HTR1F: variants seen among roughly 807,000 people sequenced by gnomAD.
HTR1F encodes 5-hydroxytryptamine receptor 1F, also known as 5-hydroxytryptamine (serotonin) receptor 1F, G protein-coupled.
Under a neutral mutation model 24.0 loss-of-function variants are expected in HTR1F, and 17 were observed. The ratio of observed to expected loss-of-function variants is 0.71; its 90% confidence interval spans 0.48 to 1.06. The LOEUF (loss-of-function observed/expected upper bound fraction) is 1.06. Among genes scored for constraint, HTR1F ranks in the 50% least tolerant of loss-of-function variants. The pLI, the probability that HTR1F is intolerant of heterozygous loss-of-function variation, is 0.00. For synonymous variants in HTR1F, 186 were observed against 156.8 expected (o/e 1.19, Z -1.39); for missense variants, 391 against 427.8 (o/e 0.91, Z 0.76).
chr3:87,954,924 G>A (rs1405555613), intron 2 of HTR1F, among the ~76,000 whole-genome samples: 1 of 151,130 alleles, frequency 6.6e-6, no homozygotes, highest in Non-Finnish European at 1.5e-5. Context: ...ACATCTTCTG[G>A]TGTCTCCAAG....
At chr3:87,959,424 A>G (rs1705013942) in intron 2 of HTR1F, among the ~76,000 whole-genome samples, 1 of 151,874 alleles carries the variant, frequency 6.6e-6, no homozygotes, top group African/African-American at 2.4e-5. Flanking sequence ...AACCCATTGT[A>G]TGGTCACTTT....
At chr3:87,869,454 T>TAGACGATAGATAGATAGATAGATA (rs113301497) in intron 2 of HTR1F, among the ~76,000 whole-genome samples, 1 of 124,772 alleles carries the variant, frequency 8.0e-6, no homozygotes, top group Admixed American at 7.8e-5. Context: ...GATAGATAGA[T>TAGACGATAGATAGATAGATAGATA]GATAGATAGA....
Position 87,945,363 on chromosome 3 carries a change from A to T in HTR1F, c.-42-45345A>T, listed in dbSNP as rs1046056053. Reference sequence around the variant, plus strand: ...CTTGCTAGAGGAAATGAAAGTCTGAACCATTAGTACCTAGGAGGCAGGGAT... The same window carrying T: ...CTTGCTAGAGGAAATGAAAGTCTGATCCATTAGTACCTAGGAGGCAGGGAT... On this transcript the variant is annotated intron_variant, in intron 2 of 2. Coordinates refer to ENST00000319595, the MANE Select transcript of HTR1F (RefSeq NM_001322209.2). 2.0e-5 allele frequency among the ~76,000 whole-genome samples: 3 copies of T among 152,284 alleles called. 1 individual carries two copies.
At chr3:87,823,356 A>G (rs1434559984) in intron 2 of HTR1F, among the ~76,000 whole-genome samples, 1 of 152,160 alleles carries the variant, frequency 6.6e-6, no homozygotes, top group Non-Finnish European at 1.5e-5. Context: ...GAGAATATCA[A>G]CAGTTACTGA....
intron 2 of HTR1F, among the ~76,000 whole-genome samples, chr3:87,933,834 A>C (rs1341872091): frequency 6.6e-6 from 1 of 152,188 alleles, no homozygotes; most frequent in East Asian, 1.9e-4. Flanking sequence ...ACACATAAAG[A>C]GATTAATTCC....
intron 2 of HTR1F, among the ~76,000 whole-genome samples, chr3:87,868,183 C>A (rs1158654586): frequency 6.6e-6 from 1 of 152,030 alleles, no homozygotes; most frequent in Non-Finnish European, 1.5e-5. Flanking sequence ...TGGCTTTTAG[C>A]TTGGAGATTT....
chr3:87,806,086 G>T (rs1189508704), intron 1 of HTR1F, among the ~76,000 whole-genome samples: 1 of 151,942 alleles, frequency 6.6e-6, no homozygotes, highest in Non-Finnish European at 1.5e-5. Context: ...CAAATGACAT[G>T]ATTTCATTCT....
At chr3:87,959,520 ACAAC>A (rs1323793598) in intron 2 of HTR1F, among the ~76,000 whole-genome samples, 1 of 151,944 alleles carries the variant, frequency 6.6e-6, no homozygotes, top group Non-Finnish European at 1.5e-5. Flanking sequence ...GAAAAAAGTA[ACAAC>A]CAAAATTAAA....
intron 2 of HTR1F, among the ~76,000 whole-genome samples, chr3:87,932,841 T>A (rs1413266519): frequency 2.0e-5 from 3 of 151,752 alleles, no homozygotes; most frequent in Non-Finnish European, 4.4e-5. Context: ...GAATCCTCCC[T>A]AACTCATTTT....
Position 87,821,287 on chromosome 3 carries a change from G to A in HTR1F, c.-159-721G>A, listed in dbSNP as rs140135496. On this transcript the variant is annotated intron_variant, in intron 1 of 2. Transcript: ENST00000319595. ...TTGTATGAATCTTTTATTTTCCAAA[G>A]TACTTCCAAGTACCTTATCTGCATT... 3.4e-3 allele frequency among the ~76,000 whole-genome samples: 515 copies of A among 152,206 alleles called. 4 individuals are homozygous for A. The highest frequency in any genetic ancestry group is 0.01 in the Middle Eastern group (3 of 294).
intron 2 of HTR1F, among the ~76,000 whole-genome samples, chr3:87,910,706 G>T (rs1296796626): frequency 6.6e-6 from 1 of 151,874 alleles, no homozygotes; most frequent in Non-Finnish European, 1.5e-5. Flanking sequence ...CTCTAAAATT[G>T]AACACACAGT....
In HTR1F at chr3:87,982,139, T is replaced by A. The variant is rs1297859849; in HGVS notation, c.-42-8569T>A. On this transcript the variant is annotated intron_variant, in intron 2 of 2. Coordinates refer to ENST00000319595, the MANE Select transcript of HTR1F (RefSeq NM_001322209.2). ...GGTTTCACCTTTTTGACCAGACGGG[T>A]CTCAAATTCCTGACCTCAAGTGATC... Among the ~76,000 whole-genome samples, 9 of 152,186 alleles carry A rather than the reference T, an allele frequency of 5.9e-5. No individual in the cohort carries two copies. The East Asian group carries it at 1.7e-3, about 30-fold the overall frequency.
At chr3:87,935,000 G>T (rs1206349901) in intron 2 of HTR1F, among the ~76,000 whole-genome samples, 2 of 151,984 alleles carry the variant, frequency 1.3e-5, no homozygotes, top group Non-Finnish European at 1.5e-5. Context: ...CAAGTAGCTG[G>T]GACCAAAGTC....
intron 2 of HTR1F, among the ~76,000 whole-genome samples, chr3:87,864,229 G>A (rs970496898): frequency 3.3e-5 from 5 of 152,086 alleles, no homozygotes; most frequent in African/African-American, 1.2e-4. Flanking sequence ...CACAGTTTCT[G>A]GGCATTAGAA....
intron 2 of HTR1F, among the ~76,000 whole-genome samples, chr3:87,924,580 G>GT (rs1468255046): frequency 3.9e-5 from 6 of 152,146 alleles, no homozygotes; most frequent in African/African-American, 1.4e-4. Context: ...CAAATTCCCT[G>GT]TTTTTTCTTG....
intron 2 of HTR1F, among the ~76,000 whole-genome samples, chr3:87,917,736 T>TAA (rs145123303): frequency 1.8e-4 from 27 of 148,380 alleles, no homozygotes; most frequent in Non-Finnish European, 2.9e-4. Flanking sequence ...TTAACAACAA[T>TAA]AAAAAAAAAA....
chr3:87,838,593 T>C (rs1291091360), intron 2 of HTR1F, among the ~76,000 whole-genome samples: 1 of 152,144 alleles, frequency 6.6e-6, no homozygotes, highest in Non-Finnish European at 1.5e-5. Context: ...ATTGCTGTGA[T>C]TACCTTTTGT....
Position 87,832,222 on chromosome 3 carries a change from C to T in HTR1F, c.-43+10098C>T, listed in dbSNP as rs1011898578. On this transcript the variant is annotated intron_variant, in intron 2 of 2. Transcript: ENST00000319595. ...GCAAAGAGAATTTATAAAAGTACTT[C>T]GTCACTAAATTAATGTGATAGTAGA... Among the ~76,000 whole-genome samples the T allele has an allele frequency of 8.0e-5, 12 of 150,626 alleles. 1 individual carries two copies. Among genetic ancestry groups the T allele is most frequent in the South Asian group, 6.3e-4 (3 of 4,748 alleles).
chr3:87,948,663 T>C (rs1008406003), intron 2 of HTR1F, among the ~76,000 whole-genome samples: 4 of 152,120 alleles, frequency 2.6e-5, no homozygotes, highest in African/African-American at 9.7e-5. Flanking sequence ...GCTTATTTTT[T>C]GTAGAGAGGG....
Sources: allele counts gnomAD v4.1 joint callset (sites outside exome capture counted in the v4.1 genomes callset), GRCh38; gene constraint gnomAD v4.1.1; transcripts MANE v1.5; gene names NCBI Gene and HGNC (gene_info 2026-07-23, HGNC 2026-07-21).